Variants in SPAG16 observed in about 807,000 individuals in gnomAD.
SPAG16 encodes the protein sperm-associated antigen 16 protein.
A neutral mutation model predicts 80.4 loss-of-function variants in SPAG16; 86 were observed. The ratio of observed to expected loss-of-function variants is 1.07; its 90% CI spans 0.90 to 1.28. SPAG16 has a LOEUF of 1.28. Ranked by LOEUF, SPAG16 falls within the 50% of genes most tolerant of loss-of-function variation. The pLI is 0.00. For synonymous variants in SPAG16, 294 were observed against 265.9 expected (o/e 1.11, Z -1.03); for missense variants, 870 against 765.3 (o/e 1.14, Z -1.61).
At chr2:213,488,932 G>A (rs1400670098) in intron 9 of SPAG16, among the ~76,000 whole-genome samples, 3 of 151,554 alleles carry the variant, frequency 2.0e-5, no homozygotes, top group Non-Finnish European at 2.9e-5. Context: ...AAAATTACCC[G>A]GGCGTGGTGG....
chr2:213,402,695 C>A (rs1031662990), intron 9 of SPAG16, among the ~76,000 whole-genome samples: 2 of 151,826 alleles, frequency 1.3e-5, no homozygotes, highest in Admixed American at 6.6e-5. Context: ...TCTGTCCTTG[C>A]GATAGTTTAC....
intron 11 of SPAG16, among the ~76,000 whole-genome samples, chr2:213,869,180 G>A (rs898071326): frequency 1.2e-4 from 18 of 149,194 alleles, no homozygotes; most frequent in African/African-American, 4.2e-4. Context: ...TTGAACCCGG[G>A]AGGCGGAGGT....
chr2:213,688,969 T>C (rs113788360), intron 10 of SPAG16, among the ~76,000 whole-genome samples: 2,615 of 152,284 alleles, frequency 0.017, 94 homozygotes, highest in African/African-American at 0.06. Flanking sequence ...TAAAATGTTC[T>C]CTTTTTTTGA....
intron 15 of SPAG16, among the ~76,000 whole-genome samples, chr2:214,282,210 A>G (rs2125915595): frequency 6.6e-6 from 1 of 152,318 alleles, no homozygotes; most frequent in South Asian, 2.1e-4. Flanking sequence ...ACGTTTTAAA[A>G]CATTTAGAAA....
intron 13 of SPAG16, among the ~76,000 whole-genome samples, chr2:214,025,777 C>T (rs560600864): frequency 6.6e-6 from 1 of 151,410 alleles, no homozygotes; most frequent in African/African-American, 2.4e-5. Flanking sequence ...TTAGTATACT[C>T]AGGCATTTCA....
intron 10 of SPAG16, among the ~76,000 whole-genome samples, chr2:213,637,167 A>G (rs529062814): frequency 5.6e-4 from 86 of 152,328 alleles, no homozygotes; most frequent in Non-Finnish European, 1.1e-3. Flanking sequence ...TCATAAAGGC[A>G]TGCTGGATTT....
At chr2:213,960,414 G>T (rs1298146311) in intron 12 of SPAG16, among the ~76,000 whole-genome samples, 1 of 151,656 alleles carries the variant, frequency 6.6e-6, no homozygotes, top group Non-Finnish European at 1.5e-5. Context: ...TCTTTGAATG[G>T]ACCATACTTT....
intron 9 of SPAG16, among the ~76,000 whole-genome samples, chr2:213,469,043 C>G (rs2072919417): frequency 2.0e-5 from 3 of 152,068 alleles, no homozygotes; most frequent in African/African-American, 7.2e-5. Flanking sequence ...TTCCAGCCCA[C>G]TGATTCAAAT....
chr2:213,408,288 T>C (rs1485136302), intron 9 of SPAG16, among the ~76,000 whole-genome samples: 1 of 152,192 alleles, frequency 6.6e-6, no homozygotes, highest in Non-Finnish European at 1.5e-5. Flanking sequence ...ACTGACAACC[T>C]GTAGCCTTCC....
chr2:213,884,470 A>G (rs944406032), intron 11 of SPAG16, among the ~76,000 whole-genome samples: 7 of 152,086 alleles, frequency 4.6e-5, no homozygotes, highest in African/African-American at 7.2e-5. Context: ...TGATGGCTAT[A>G]TCTTAGTGAT....
intron 10 of SPAG16, among the ~76,000 whole-genome samples, chr2:213,524,881 G>C (rs2075828305): frequency 6.6e-6 from 1 of 152,170 alleles, no homozygotes; most frequent in African/African-American, 2.4e-5. Flanking sequence ...AATTAGTTAA[G>C]ACTTTTGGGG....
intron 10 of SPAG16, among the ~76,000 whole-genome samples, chr2:213,702,660 T>C (rs866945980): frequency 6.6e-6 from 1 of 152,206 alleles, no homozygotes; most frequent in Non-Finnish European, 1.5e-5. Context: ...AATATACAAC[T>C]ATCCGTAATC....
At chr2:214,190,738 G>C (rs895468942) in intron 15 of SPAG16, among the ~76,000 whole-genome samples, 5 of 152,058 alleles carry the variant, frequency 3.3e-5, no homozygotes, top group Admixed American at 3.3e-4. Flanking sequence ...AAAGAGCCTG[G>C]AGCTCCCTCT....
chr2:213,478,608 A>G (rs2073564100), intron 9 of SPAG16, among the ~76,000 whole-genome samples: 1 of 152,144 alleles, frequency 6.6e-6, no homozygotes, highest in African/African-American at 2.4e-5. Context: ...TCTCTTTAGG[A>G]ACTTTGATAT....
intron 10 of SPAG16, among the ~76,000 whole-genome samples, chr2:213,684,900 A>G (rs528224963): frequency 9.2e-5 from 14 of 152,326 alleles, no homozygotes; most frequent in African/African-American, 2.9e-4. Context: ...GTCATACTAC[A>G]ATGCAAAATT....
At chr2:213,811,356 G>A (rs906986914) in intron 10 of SPAG16, among the ~76,000 whole-genome samples, 2 of 152,006 alleles carry the variant, frequency 1.3e-5, no homozygotes, top group Non-Finnish European at 2.9e-5. Context: ...ATGACAAGAT[G>A]AGGGTTTGCT....
intron 15 of SPAG16, among the ~76,000 whole-genome samples, chr2:214,366,276 T>C (rs1398025650): frequency 6.6e-6 from 1 of 152,172 alleles, no homozygotes; most frequent in Non-Finnish European, 1.5e-5. Flanking sequence ...GCGTCTGGCC[T>C]TGCCAGGTAT....
rs150365333 is a variant in SPAG16, at chr2:214,328,489, G to C, written c.1721-81651G>C. On this transcript the variant is annotated intron_variant, in intron 15 of 15. Coordinates refer to ENST00000331683, the MANE Select transcript of SPAG16 (RefSeq NM_024532.5). ...GTTTAGCAGTCTTTGAGAAAATTTT[G>C]GTTGAAGGACATTGTGTTGGATCCA... 5.9e-5 allele frequency among the ~76,000 whole-genome samples: 9 copies of C among 152,274 alleles called. No homozygotes were observed. In the East Asian group the frequency reaches 1.5e-3, roughly 26 times the overall value.
At chr2:213,773,917 C>A (rs1001406036) in intron 10 of SPAG16, among the ~76,000 whole-genome samples, 1 of 152,132 alleles carries the variant, frequency 6.6e-6, no homozygotes, top group Non-Finnish European at 1.5e-5. Flanking sequence ...CTCAAATAAT[C>A]CAACCAAAAG....
Sources: gnomAD v4.1 joint callset for allele counts (sites outside exome capture counted in the v4.1 genomes callset) on GRCh38, gnomAD v4.1.1 for gene constraint, MANE v1.5 for transcripts, NCBI Gene and HGNC (gene_info 2026-07-23, HGNC 2026-07-21) for gene names.